Variants in CDH4 observed in about 807,000 individuals in gnomAD.
CDH4 encodes cadherin 4, also known as cadherin-4.
Under a neutral mutation model 86.0 loss-of-function variants are expected in CDH4, and 33 were observed. That is an observed-to-expected ratio of 0.38 (90% CI 0.29 to 0.51). CDH4 has a LOEUF of 0.51. Among genes scored for constraint, CDH4 ranks in the 20% least tolerant of loss-of-function variants. The pLI is 0.86. For synonymous variants in CDH4, 555 were observed against 549.4 expected (o/e 1.01, Z -0.14); for missense variants, 1,114 against 1,307.4 (o/e 0.85, Z 2.28).
Position 61,676,711 on chromosome 20 carries a change from A to G in CDH4, c.170-66852A>G, listed in dbSNP as rs575548267. ...AGGAGCCTATGGAAGTGACCAGATG[A>G]TAAACCTTGATGTAATACAAATGTA... On this transcript the variant is annotated intron_variant, in intron 2 of 15. Transcript: ENST00000614565. The surrounding 1 kb of genome is among the most constrained non-coding windows in gnomAD (Gnocchi z 4.5). 7.2e-5 allele frequency among the ~76,000 whole-genome samples: 11 copies of G among 152,232 alleles called. No homozygotes were observed. Among genetic ancestry groups the G allele is most frequent in the African/African-American group, 2.7e-4 (11 of 41,462 alleles).
intron 2 of CDH4, among the ~76,000 whole-genome samples, chr20:61,513,462 A>G (rs1286880299): frequency 6.6e-6 from 1 of 152,164 alleles, no homozygotes; most frequent in Non-Finnish European, 1.5e-5. Context: ...CACAGGCCAC[A>G]TCCTTGCCAT....
intron 2 of CDH4, among the ~76,000 whole-genome samples, chr20:61,331,638 C>T (rs1391007672): frequency 0.13 from 2,875 of 22,446 alleles, 3 homozygotes; most frequent in Non-Finnish European, 0.14. Context: ...CTGCCCCAGA[C>T]CCACCTCCCG....
chr20:61,460,946 G>A (rs191042918), intron 2 of CDH4, among the ~76,000 whole-genome samples: 190 of 152,258 alleles, frequency 1.2e-3, no homozygotes, highest in Middle Eastern at 0.01. Flanking sequence ...ATCAGCCCCT[G>A]TTAGGGCAGA....
chr20:61,880,027 T>G (rs1396696868), intron 7 of CDH4, among the ~76,000 whole-genome samples: 1 of 152,202 alleles, frequency 6.6e-6, no homozygotes, highest in Non-Finnish European at 1.5e-5. Context: ...CAAGACCCTC[T>G]GCCCGCCCGG....
chr20:61,873,145 A>G (rs1983877700), intron 6 of CDH4, among the ~76,000 whole-genome samples: 1 of 152,140 alleles, frequency 6.6e-6, no homozygotes, highest in African/African-American at 2.4e-5. Flanking sequence ...AGCGGCCCCC[A>G]GTCCCAGGGC....
intron 2 of CDH4, among the ~76,000 whole-genome samples, chr20:61,652,930 A>AT (rs1200927520): frequency 2.8e-5 from 3 of 108,032 alleles, no homozygotes; most frequent in African/African-American, 9.3e-5. Flanking sequence ...TTATTTATTT[A>AT]TTTATTTATT....
rs576440226 is a variant in CDH4 at position 61,684,577 on chromosome 20, C to T, written c.170-58986C>T. Among the ~76,000 whole-genome samples, 8 of 152,326 alleles carry T rather than the reference C, an allele frequency of 5.3e-5. No individual in the cohort carries two copies. The South Asian group carries it at 8.3e-4, about 16-fold the overall frequency. On this transcript the variant is annotated intron_variant, in intron 2 of 15. Transcript: ENST00000614565. The surrounding 1 kb of genome is among the most constrained non-coding windows in gnomAD (Gnocchi z 4.5). Reference sequence around the variant, plus strand: ...TTCTGCAGCTGGGAATCCTGGGCTCCGTCCTGGGGGCTGAAAGGCTCCTGG... The same window carrying T: ...TTCTGCAGCTGGGAATCCTGGGCTCTGTCCTGGGGGCTGAAAGGCTCCTGG...
At chr20:61,619,860 A>G (rs559918429) in intron 2 of CDH4, among the ~76,000 whole-genome samples, 71 of 152,228 alleles carry the variant, frequency 4.7e-4, no homozygotes, top group Non-Finnish European at 9.1e-4. Context: ...AAGTTGCCGT[A>G]GGGCCTCTGA....
intron 6 of CDH4, among the ~76,000 whole-genome samples, chr20:61,857,446 C>T (rs1200550188): frequency 5.3e-5 from 8 of 152,194 alleles, no homozygotes; most frequent in African/African-American, 9.7e-5. Flanking sequence ...GAACCAAAAT[C>T]AGGGTTCCCT....
At chr20:61,587,627 C>T (rs1258642576) in intron 2 of CDH4, among the ~76,000 whole-genome samples, 1 of 152,052 alleles carries the variant, frequency 6.6e-6, no homozygotes, top group East Asian at 1.9e-4. Context: ...ACCCCATAAC[C>T]AGCTGGGGCA....
intron 2 of CDH4, among the ~76,000 whole-genome samples, chr20:61,476,372 T>TGC (rs1491061196): frequency 1.3e-5 from 2 of 152,070 alleles, no homozygotes; most frequent in Non-Finnish European, 2.9e-5. Flanking sequence ...GAAGTGTGTG[T>TGC]GCCCGTGTGT....
rs140510281 is a variant in CDH4, at chr20:61,740,319, CA to C, written c.170-3243del. Among the ~76,000 whole-genome samples the C allele has an allele frequency of 5.2e-3, 798 of 152,338 alleles. 2 individuals are homozygous for C. The highest frequency in any genetic ancestry group is 0.018 in the African/African-American group (762 of 41,578). The stretch of plus-strand genomic sequence containing the variant: ...ATGTCTCCCTTGAGGCTGCCCTGCA[CA>C]CTCACTTGCCGTTTCTATAGCATGG... On this transcript the variant is annotated intron_variant, in intron 2 of 15. Coordinates refer to ENST00000614565, the MANE Select transcript of CDH4 (RefSeq NM_001794.5).
At chr20:61,860,865 C>T (rs1983292086) in intron 6 of CDH4, among the ~76,000 whole-genome samples, 1 of 152,118 alleles carries the variant, frequency 6.6e-6, no homozygotes. Flanking sequence ...ACTCTGAGAC[C>T]CATGGAGACC....
intron 2 of CDH4, among the ~76,000 whole-genome samples, chr20:61,472,576 T>C (rs1017421616): frequency 1.3e-5 from 2 of 152,208 alleles, no homozygotes; most frequent in African/African-American, 4.8e-5. Context: ...CATGAGGTTT[T>C]CAAATAATAC....
intron 2 of CDH4, among the ~76,000 whole-genome samples, chr20:61,428,059 C>G (rs2085224536): frequency 6.6e-6 from 1 of 152,150 alleles, no homozygotes; most frequent in African/African-American, 2.4e-5. Context: ...ACTCCTAGGT[C>G]GCACCCTTTC....
chr20:61,861,842 G>T (rs947232768), intron 6 of CDH4, among the ~76,000 whole-genome samples: 4 of 152,184 alleles, frequency 2.6e-5, no homozygotes, highest in African/African-American at 9.7e-5. Context: ...TGTGGGTAAG[G>T]TGGGCATCTT....
At chr20:61,347,851 T>C (rs2084688796) in intron 2 of CDH4, among the ~76,000 whole-genome samples, 1 of 152,214 alleles carries the variant, frequency 6.6e-6, no homozygotes, top group South Asian at 2.1e-4. Context: ...GTGGGAAGCA[T>C]GGCGTTTGAA....
Position 61,923,688 on chromosome 20 carries a change from A to G in CDH4, c.1612A>G (p.Met538Val). 1 of 1,613,694 alleles carries G rather than the reference A, an allele frequency of 6.2e-7. No individual in the cohort carries two copies. ...TFSAVDPDRF[M>V]QQAVRYSKLS... is the part of the protein sequence containing the mutation. The stretch of plus-strand genomic sequence containing the variant: ...TTCAGCTGTGGACCCTGACCGGTTC[A>G]TGCAGCAGGCTGTGAGGTGGGTGCA... Residue 538 changes from methionine to valine, a missense_variant, in exon 10 of 16, where the codon ATG becomes GTG. Coordinates refer to ENST00000614565, the MANE Select transcript of CDH4 (RefSeq NM_001794.5).
chr20:61,292,428 C>T (rs1171231246), intron 2 of CDH4, among the ~76,000 whole-genome samples: 2 of 152,224 alleles, frequency 1.3e-5, no homozygotes, highest in Non-Finnish European at 2.9e-5. Context: ...GATTTTTCTT[C>T]CATTGCCATC....
Sources: gnomAD v4.1 joint callset for allele counts (sites outside exome capture counted in the v4.1 genomes callset) on GRCh38, gnomAD v4.1.1 for gene constraint, Gnocchi (gnomAD v3.1) non-coding constraint, MANE v1.5 for transcripts, NCBI Gene and HGNC (gene_info 2026-07-23, HGNC 2026-07-21) for gene names.